The following ANKDD1B variants were observed in gnomAD, a reference collection of about 807,000 sequenced individuals.
ANKDD1B encodes ankyrin repeat and death domain containing 1B.
In ANKDD1B, 57 loss-of-function variants were observed where a neutral mutation model predicts 59.7. The ratio of observed to expected loss-of-function variants is 0.95; its 90% CI spans 0.77 to 1.19. The LOEUF is 1.19. ANKDD1B is among the 50% of genes most tolerant of loss of function. ANKDD1B has a pLI of 0.00. For missense variants in ANKDD1B, 602 were observed against 641.9 expected (o/e 0.94, Z 0.67); for synonymous variants, 216 against 239.5 (o/e 0.90, Z 0.91).
rs112718853 is a variant in ANKDD1B, at chr5:75,611,645, C to T, written c.11C>T (p.Ala4Val). The T allele has an allele frequency of 1.6e-6, 2 of 1,231,334 alleles. No homozygotes were observed. Among genetic ancestry groups the T allele is most frequent in the Non-Finnish European group, 2.0e-6 (2 of 987,812 alleles). The allele number at this position is 1,231,334 out of a possible 1,614,324, so 76.3% of individuals were successfully genotyped here. Reference protein sequence around the residue: MDPAGRARGQGATA... With the variant: MDPVGRARGQGATA... ...CCCGCGGAGGAGACTATGGACCCCGCCGGGCGCGCCCGGGGCCAAGGGGCC... is the reference window on the plus strand; with the variant it reads ...CCCGCGGAGGAGACTATGGACCCCGTCGGGCGCGCCCGGGGCCAAGGGGCC... Residue 4 changes from alanine (A) to valine (V), a missense_variant, in exon 1 of 14, where the codon GCC (alanine) becomes GTC (valine). Ala to Val is a moderately conservative substitution (Grantham distance 64, BLOSUM62 0). Transcript: ENST00000601380.
At position 75,614,413 on chromosome 5, in the gene ANKDD1B, C is replaced by T. The variant is rs182213984; in HGVS notation, c.194-2391C>T. ...TTTGCTCCAGAGGAAGATATTATCT[C>T]TGTCTGTCAAGGCTTTTCACTATAC... On this transcript the variant is annotated intron_variant, in intron 1 of 13. Coordinates refer to ENST00000601380, the MANE Select transcript of ANKDD1B (RefSeq NM_001276713.2). Among the ~76,000 whole-genome samples the T allele has an allele frequency of 1.5e-4, 23 of 152,246 alleles. 1 individual carries two copies. Among genetic ancestry groups the T allele is most frequent in the African/African-American group, 4.3e-4 (18 of 41,528 alleles).
At chr5:75,669,149 G>A in intron 12 of ANKDD1B, 103 bp from the exon 13 acceptor site, 1 of 1,143,152 alleles carries the variant, frequency 8.7e-7, no homozygotes, top group Admixed American at 4.3e-5. Context: ...AGAGGAACAG[G>A]CAAGCAAACA....
intron 3 of ANKDD1B, among the ~76,000 whole-genome samples, chr5:75,621,126 C>T (rs1210256019): frequency 6.6e-6 from 1 of 152,228 alleles, no homozygotes; most frequent in Non-Finnish European, 1.5e-5. Flanking sequence ...CTACCCCTAC[C>T]ACTGTCAAGT....
intron 3 of ANKDD1B, among the ~76,000 whole-genome samples, chr5:75,624,398 T>C (rs1004122038): frequency 2.3e-4 from 35 of 152,148 alleles, no homozygotes; most frequent in African/African-American, 7.7e-4. Flanking sequence ...CCCTCGAATC[T>C]CACCTCCCTA....
chr5:75,656,428 T>C (rs1774977807), intron 9 of ANKDD1B, among the ~76,000 whole-genome samples: 1 of 152,190 alleles, frequency 6.6e-6, no homozygotes, highest in Admixed American at 6.5e-5. Flanking sequence ...AGAGGCTCTT[T>C]AAATCAAAAG....
intron 7 of ANKDD1B, among the ~76,000 whole-genome samples, chr5:75,636,108 T>C (rs1215199124): frequency 6.6e-6 from 1 of 152,238 alleles, no homozygotes; most frequent in Non-Finnish European, 1.5e-5. Flanking sequence ...TAATATGTAC[T>C]GTATGCCAGA....
In ANKDD1B at chr5:75,620,406, CTG is replaced by C; in HGVS notation, c.390_391del (p.Asp131Ter). On this transcript the variant is annotated frameshift_variant, in exon 3 of 14. Coordinates refer to ENST00000601380, the MANE Select transcript of ANKDD1B (RefSeq NM_001276713.2). LOFTEE classifies it high-confidence loss of function. ...AAACACAAGGCCAGGGTGGATGTTG[CTG>C]ATAAGGTAAGCTCATCTTGAGTAGA... The C allele has an allele frequency of 1.3e-6, 2 of 1,527,258 alleles. No homozygotes were observed. The highest frequency in any genetic ancestry group is 3.9e-5 in the Admixed American group (2 of 50,818). 94.6% of individuals were successfully genotyped at this position (1,527,258 alleles called of 1,614,324 possible).
intron 7 of ANKDD1B, among the ~76,000 whole-genome samples, chr5:75,642,518 C>T (rs1309658851): frequency 2.2e-5 from 3 of 136,938 alleles, no homozygotes; most frequent in Non-Finnish European, 4.7e-5. Flanking sequence ...CACTCCCACC[C>T]GAATATTGCG....
intron 9 of ANKDD1B, among the ~76,000 whole-genome samples, chr5:75,657,372 TA>T (rs200617279): frequency 0.028 from 4,274 of 152,172 alleles, 206 homozygotes; most frequent in African/African-American, 0.098. Context: ...AAATATAAGC[TA>T]AAAAAACTTA....
Position 75,616,901 on chromosome 5 carries a change from G to T in ANKDD1B, c.291G>T (p.Val97=). The T allele has an allele frequency of 6.8e-7, 1 of 1,481,410 alleles. No individual in the cohort carries two copies. Among genetic ancestry groups the T allele is most frequent in the South Asian group, 1.2e-5 (1 of 82,234 alleles). The allele number at this position is 1,481,410 out of a possible 1,614,324, so 91.8% of individuals were successfully genotyped here. The change falls in exon 2 of 14, where the codon GTG becomes GTT. Residue 97 remains valine, a synonymous_variant. Transcript: ENST00000601380. ...LFEKKVNINV[V]NNMNRTALHF... is the part of the protein sequence containing the mutation. ...AAAAGAAGGTTAACATTAATGTTGT[G>T]AACAATGTGAGTAGAAGTCATAAAT...
At chr5:75,617,298 A>G (rs550733934) in intron 2 of ANKDD1B, among the ~76,000 whole-genome samples, 52 of 152,322 alleles carry the variant, frequency 3.4e-4, no homozygotes, top group Admixed American at 2.2e-3. Flanking sequence ...TTTCTTGCCA[A>G]TGATGTCCTT....
intron 1 of ANKDD1B, among the ~76,000 whole-genome samples, chr5:75,612,519 T>G (rs1220356959): frequency 6.6e-6 from 1 of 152,004 alleles, no homozygotes; most frequent in Non-Finnish European, 1.5e-5. Flanking sequence ...CCTTATTTCC[T>G]AAACCAGGCT....
intron 7 of ANKDD1B, among the ~76,000 whole-genome samples, chr5:75,648,630 T>A (rs1017249219): frequency 6.6e-6 from 1 of 152,186 alleles, no homozygotes; most frequent in African/African-American, 2.4e-5. Context: ...ATCCATTTTT[T>A]AGCTTTTACT....
chr5:75,633,459 C>T (rs1031461183), intron 5 of ANKDD1B, among the ~76,000 whole-genome samples: 3 of 151,972 alleles, frequency 2.0e-5, no homozygotes, highest in African/African-American at 4.8e-5. Context: ...ATTGGGGGCT[C>T]CTATGTTGTT....
chr5:75,671,008 G>T lies in ANKDD1B; in HGVS notation c.1555G>T (p.Asp519Tyr). ...GACTCGTCATTTCAAAAGCAAAACT[G>T]ACTCAAACTCCAAGAAATGTGTAGT... is the stretch of plus-strand genomic sequence containing the variant. ...EKTRHFKSKT[D>Y]SNSKKCVVS is the part of the protein sequence containing the mutation. The change falls in exon 14 of 14, where the codon GAC (aspartate) becomes TAC (tyrosine). Residue 519 changes from aspartate to tyrosine, a missense_variant. Coordinates refer to ENST00000601380, the MANE Select transcript of ANKDD1B (RefSeq NM_001276713.2). The T allele has an allele frequency of 8.1e-7, 1 of 1,230,174 alleles. No homozygotes were observed. Among genetic ancestry groups the T allele is most frequent in the South Asian group, 4.1e-5 (1 of 24,226 alleles). The allele number at this position is 1,230,174 out of a possible 1,614,324, so 76.2% of individuals were successfully genotyped here.
intron 3 of ANKDD1B, among the ~76,000 whole-genome samples, chr5:75,624,930 G>A (rs139860828): frequency 1.3e-5 from 2 of 152,192 alleles, no homozygotes; most frequent in East Asian, 1.9e-4. Context: ...GTCAATTGTT[G>A]TAGCACCAAT....
chr5:75,629,842 G>A (rs1774102404), intron 5 of ANKDD1B, among the ~76,000 whole-genome samples: 1 of 152,182 alleles, frequency 6.6e-6, no homozygotes, highest in African/African-American at 2.4e-5. Flanking sequence ...GGAGGCTGAG[G>A]TGGGAGGATC....
chr5:75,611,649 G>A lies in ANKDD1B; in HGVS notation c.15G>A (p.Gly5=), dbSNP rs772816052. The change falls in exon 1 of 14, where the codon GGG becomes GGA. Residue 5 remains glycine, a synonymous_variant. Transcript: ENST00000601380. Reference sequence around the variant, plus strand: ...CGGAGGAGACTATGGACCCCGCCGGGCGCGCCCGGGGCCAAGGGGCCACGG... The same window carrying A: ...CGGAGGAGACTATGGACCCCGCCGGACGCGCCCGGGGCCAAGGGGCCACGG... The part of the protein sequence containing the change: MDPA[G]RARGQGATAG... The A allele has an allele frequency of 2.1e-4, 258 of 1,231,380 alleles. No individual in the cohort carries two copies. Among genetic ancestry groups the A allele is most frequent in the Admixed American group, 1.4e-3 (33 of 23,710 alleles). The allele number at this position is 1,231,380 out of a possible 1,614,324, so 76.3% of individuals were successfully genotyped here.
chr5:75,634,943 G>C lies in ANKDD1B; in HGVS notation c.646G>C (p.Glu216Gln), dbSNP rs932760247. The C allele has an allele frequency of 2.0e-6, 3 of 1,535,768 alleles. No individual in the cohort carries two copies. In the African/African-American group the frequency reaches 4.1e-5, roughly 21 times the overall value. ...FLLAAERGHV[E>Q]MIEKLTFLNL... ...TTTGGCAGCTGAGAGGGGCCATGTT[G>C]AAATGATAGAAAAACTTACCTTCCT... Residue 216 changes from glutamate (E) to glutamine (Q), a missense_variant, in exon 6 of 14, where the codon GAA (glutamate) becomes CAA (glutamine). Coordinates refer to ENST00000601380, the MANE Select transcript of ANKDD1B (RefSeq NM_001276713.2).
Sources: allele counts gnomAD v4.1 joint callset (sites outside exome capture counted in the v4.1 genomes callset), GRCh38; gene constraint gnomAD v4.1.1; transcripts MANE v1.5; gene names NCBI Gene and HGNC (gene_info 2026-07-23, HGNC 2026-07-21).